DPP6: variants seen among roughly 807,000 people sequenced by gnomAD.
DPP6 encodes dipeptidyl peptidase like 6.
In DPP6, 69 loss-of-function variants were observed where a neutral mutation model predicts 122.6. The observed-to-expected ratio is 0.56, with a 90% CI of 0.46 to 0.69. DPP6 has a LOEUF of 0.69. Among genes scored for constraint, DPP6 ranks in the 30% least tolerant of loss-of-function variants. The pLI is 0.00. For missense variants in DPP6, 928 were observed against 1,116.9 expected (o/e 0.83, Z 2.41); for synonymous variants, 418 against 433.1 (o/e 0.97, Z 0.43).
chr7:154,612,020 C>A (rs1314052563), intron 5 of DPP6, among the ~76,000 whole-genome samples: 1 of 152,154 alleles, frequency 6.6e-6, no homozygotes, highest in Non-Finnish European at 1.5e-5. Context: ...GGAGGTACAG[C>A]CCAATGAAAG....
At chr7:154,804,498 G>A (rs1437342874) in intron 14 of DPP6, among the ~76,000 whole-genome samples, 1 of 152,184 alleles carries the variant, frequency 6.6e-6, no homozygotes, top group Non-Finnish European at 1.5e-5. Context: ...TTTCTGCATT[G>A]GGAGGTCTTA....
Position 154,624,676 on chromosome 7 carries a change from G to A in DPP6, c.628-13145G>A, listed in dbSNP as rs1369111130. On this transcript the variant is annotated intron_variant, in intron 5 of 25. Transcript: ENST00000377770. This position sits in a 1 kb window ranked among gnomAD's most constrained non-coding sequence, Gnocchi z 4.7. ...TGCACACAAACAATAGAAAGCAATG[G>A]AGCCCTTGTTAGAAACACATATTTC... Among the ~76,000 whole-genome samples the A allele has an allele frequency of 6.6e-6, 1 of 152,086 alleles. No individual in the cohort carries two copies. The highest frequency in any genetic ancestry group is 2.1e-4 in the South Asian group (1 of 4,820).
intron 8 of DPP6, among the ~76,000 whole-genome samples, chr7:154,737,368 C>T (rs993594477): frequency 6.6e-6 from 1 of 152,222 alleles, no homozygotes; most frequent in Admixed American, 6.5e-5. Context: ...TACCCGTGCT[C>T]ATCCTCCGGG....
At chr7:154,065,078 G>A (rs1051098073) in intron 1 of DPP6, among the ~76,000 whole-genome samples, 2 of 151,924 alleles carry the variant, frequency 1.3e-5, no homozygotes, top group African/African-American at 2.4e-5. Flanking sequence ...CCCTAAATGG[G>A]TGACTGTTCC....
intron 12 of DPP6, 144 bp downstream of exon 12, chr7:154,796,027 TC>T (rs1237684476): frequency 7.5e-7 from 1 of 1,329,304 alleles, no homozygotes; most frequent in Non-Finnish European, 1.0e-6. Context: ...GCGTGCCGGC[TC>T]CACTCACGGT....
chr7:154,236,673 A>G (rs1021342104), intron 1 of DPP6, among the ~76,000 whole-genome samples: 1 of 152,188 alleles, frequency 6.6e-6, no homozygotes, highest in Admixed American at 6.5e-5. Context: ...ATGTGGACTC[A>G]TGGAAAGCCT....
chr7:154,345,023 G>A (rs1810275581), intron 1 of DPP6, among the ~76,000 whole-genome samples: 2 of 152,144 alleles, frequency 1.3e-5, no homozygotes, highest in African/African-American at 4.8e-5. Context: ...GGCAAATATC[G>A]CTGGTACCGT....
intron 16 of DPP6, among the ~76,000 whole-genome samples, chr7:154,816,403 T>A (rs2150486826): frequency 6.6e-6 from 1 of 152,340 alleles, no homozygotes; most frequent in Middle Eastern, 3.4e-3. Context: ...TAATTAGGTA[T>A]GTAGGCACAG....
intron 1 of DPP6, among the ~76,000 whole-genome samples, chr7:154,018,333 T>G (rs1293816378): frequency 1.3e-5 from 2 of 152,098 alleles, no homozygotes; most frequent in South Asian, 2.1e-4. Flanking sequence ...GAAAAATGGC[T>G]GCTGGTGTAA....
At chr7:154,262,351 G>A (rs1377510002) in intron 1 of DPP6, among the ~76,000 whole-genome samples, 1 of 152,132 alleles carries the variant, frequency 6.6e-6, no homozygotes, top group Non-Finnish European at 1.5e-5. Flanking sequence ...AGGCCATAGA[G>A]GTGGAACTTA....
Position 153,909,550 on chromosome 7 carries a change from C to G in DPP6, c.51+21816C>G, listed in dbSNP as rs189706259. On this transcript the variant is annotated intron_variant, in intron 1 of 25. Transcript: ENST00000404039. ...ATAATGCCACTATTTTTAACTCCTCCTCATTTCCTCTTAAAAATCTCCCAT... is the reference window on the plus strand; with the variant it reads ...ATAATGCCACTATTTTTAACTCCTCGTCATTTCCTCTTAAAAATCTCCCAT... Among the ~76,000 whole-genome samples the G allele has an allele frequency of 4.1e-3, 618 of 152,278 alleles. 3 individuals carry two copies. The highest frequency in any genetic ancestry group is 7.0e-3 in the Non-Finnish European group (477 of 68,034).
At chr7:154,077,716 G>A (rs537000544) in intron 1 of DPP6, among the ~76,000 whole-genome samples, 2 of 151,262 alleles carry the variant, frequency 1.3e-5, no homozygotes, top group Admixed American at 6.6e-5. Flanking sequence ...CTGTCACCAG[G>A]CTAGAGTGCA....
intron 17 of DPP6, among the ~76,000 whole-genome samples, chr7:154,860,563 A>G (rs1469852823): frequency 6.6e-6 from 1 of 152,180 alleles, no homozygotes; most frequent in Non-Finnish European, 1.5e-5. Flanking sequence ...GCACCTGGAA[A>G]GGGGCCGAAG....
chr7:154,424,495 C>T (rs1817731521), intron 1 of DPP6, among the ~76,000 whole-genome samples: 1 of 152,158 alleles, frequency 6.6e-6, no homozygotes, highest in South Asian at 2.1e-4. Context: ...CAATCGCTGC[C>T]TGTGTTTTTC....
intron 1 of DPP6, among the ~76,000 whole-genome samples, chr7:154,087,838 T>C (rs1401227922): frequency 2.6e-5 from 4 of 152,212 alleles, no homozygotes; most frequent in African/African-American, 9.7e-5. Flanking sequence ...TACAGACATA[T>C]AGACACATAT....
intron 16 of DPP6, among the ~76,000 whole-genome samples, chr7:154,842,718 T>C (rs1178013036): frequency 1.3e-5 from 2 of 152,242 alleles, no homozygotes; most frequent in Non-Finnish European, 2.9e-5. Context: ...AAGTCAGATA[T>C]TGAACTTGAG....
At chr7:154,042,036 C>T (rs1312320107) in intron 1 of DPP6, among the ~76,000 whole-genome samples, 10 of 152,104 alleles carry the variant, frequency 6.6e-5, no homozygotes, top group Non-Finnish European at 1.2e-4. Context: ...AGATTACAGG[C>T]GTGAGCCACG....
intron 1 of DPP6, among the ~76,000 whole-genome samples, chr7:153,888,340 C>A (rs1276060702): frequency 1.3e-5 from 2 of 152,214 alleles, no homozygotes; most frequent in African/African-American, 4.8e-5. Context: ...CTTCGTCCCC[C>A]AGGAGGGCCG....
intron 1 of DPP6, among the ~76,000 whole-genome samples, chr7:154,329,671 C>T (rs2151034328): frequency 6.6e-6 from 1 of 152,212 alleles, no homozygotes; most frequent in Admixed American, 6.5e-5. Flanking sequence ...CCCAGCAATC[C>T]CATTACTGGG....
Sources: gnomAD v4.1 joint callset for allele counts (sites outside exome capture counted in the v4.1 genomes callset) on GRCh38, gnomAD v4.1.1 for gene constraint, Gnocchi (gnomAD v3.1) non-coding constraint, MANE v1.5 for transcripts, NCBI Gene and HGNC (gene_info 2026-07-23, HGNC 2026-07-21) for gene names.